The following CNBD1 variants were observed in gnomAD, a reference collection of about 807,000 sequenced individuals.
CNBD1 encodes cyclic nucleotide binding domain containing 1.
A neutral mutation model predicts 54.4 loss-of-function variants in CNBD1; 71 were observed. The ratio of observed to expected loss-of-function variants is 1.30; its 90% confidence interval spans 1.08 to 1.59. The LOEUF is 1.59. Among genes scored for constraint, CNBD1 ranks in the 40% most tolerant of loss-of-function variants. The pLI is 0.00. For missense variants in CNBD1, 659 were observed against 518.0 expected (o/e 1.27, Z -2.64); for synonymous variants, 182 against 170.7 (o/e 1.07, Z -0.51).
chr8:87,330,723 A>G (rs1399095609), intron 8 of CNBD1, among the ~76,000 whole-genome samples: 1 of 152,116 alleles, frequency 6.6e-6, no homozygotes, highest in Admixed American at 6.5e-5. Context: ...ATCTTTGTGA[A>G]TGTTCTATGT....
chr8:86,953,393 C>G (rs1386573793), intron 4 of CNBD1, among the ~76,000 whole-genome samples: 2 of 152,176 alleles, frequency 1.3e-5, no homozygotes, highest in African/African-American at 4.8e-5. Context: ...GTGAAAAACA[C>G]AATTAACAAA....
chr8:87,344,480 G>T (rs563756478), intron 8 of CNBD1, among the ~76,000 whole-genome samples: 9 of 152,020 alleles, frequency 5.9e-5, no homozygotes, highest in African/African-American at 2.2e-4. Flanking sequence ...TCACTATTGT[G>T]TACAGAAATG....
At chr8:86,912,771 G>A (rs928439837) in intron 3 of CNBD1, among the ~76,000 whole-genome samples, 27 of 152,074 alleles carry the variant, frequency 1.8e-4, no homozygotes, top group African/African-American at 5.6e-4. Flanking sequence ...TCCAGAAGAA[G>A]GCATTGTTAT....
intron 4 of CNBD1, among the ~76,000 whole-genome samples, chr8:87,128,434 G>T (rs188634157): frequency 6.6e-6 from 1 of 152,180 alleles, no homozygotes; most frequent in African/African-American, 2.4e-5. Context: ...AGGGCATGGT[G>T]GCTGAACAGA....
At chr8:86,890,567 C>G (rs7000657) in intron 2 of CNBD1, among the ~76,000 whole-genome samples, 76,495 of 151,902 alleles carry the variant, frequency 0.5, 19,450 homozygotes, top group South Asian at 0.58. Flanking sequence ...ATATCTCTTC[C>G]ACATATTGAT....
chr8:87,374,926 AC>A (rs1424504148), intron 10 of CNBD1, among the ~76,000 whole-genome samples: 1 of 151,952 alleles, frequency 6.6e-6, no homozygotes, highest in African/African-American at 2.4e-5. Flanking sequence ...CAAGTGCTAC[AC>A]TGAGTCATAC....
chr8:86,890,180 G>A, intron 2 of CNBD1, among the ~76,000 whole-genome samples: 1 of 151,848 alleles, frequency 6.6e-6, no homozygotes, highest in Non-Finnish European at 1.5e-5. Flanking sequence ...TTGTGCAATA[G>A]ATCTTAAAAT....
At chr8:87,385,475 G>A (rs565726492), downstream of CNBD1, among the ~76,000 whole-genome samples, 480 of 152,150 alleles carry the variant, frequency 3.2e-3, 2 homozygotes, top group African/African-American at 0.011. Flanking sequence ...ATTATATCCT[G>A]CACATGTCTC....
rs60777896 is a variant in CNBD1, at chr8:87,238,286, G to A, written c.771+1174G>A. On this transcript the variant is annotated intron_variant, in intron 6 of 10. Transcript: ENST00000518476. ...AATCTTTACTGTGATAGCTCTTACT[G>A]CACAGGCCAAGAAACCAATGTGGAA... is the stretch of plus-strand genomic sequence containing the variant. Among the ~76,000 whole-genome samples the A allele has an allele frequency of 3.1e-3, 475 of 152,110 alleles. 5 individuals carry two copies. The highest frequency in any genetic ancestry group is 0.011 in the African/African-American group (455 of 41,522).
intron 6 of CNBD1, among the ~76,000 whole-genome samples, chr8:87,263,167 A>C (rs546603647): frequency 2.0e-5 from 3 of 152,282 alleles, no homozygotes; most frequent in African/African-American, 7.2e-5. Flanking sequence ...TCATTCTTCC[A>C]ATTAAAAATA....
At chr8:86,880,994 T>C (rs1808598780) in intron 1 of CNBD1, among the ~76,000 whole-genome samples, 1 of 152,068 alleles carries the variant, frequency 6.6e-6, no homozygotes, top group African/African-American at 2.4e-5. Context: ...TGTTAAAAAC[T>C]CTCAATAAAC....
intron 4 of CNBD1, among the ~76,000 whole-genome samples, chr8:87,038,962 C>A (rs1347548843): frequency 6.6e-6 from 1 of 152,174 alleles, no homozygotes; most frequent in Non-Finnish European, 1.5e-5. Flanking sequence ...CTTTGAGTTG[C>A]AAATCTTTTA....
chr8:87,347,597 A>C (rs769275674), intron 8 of CNBD1, among the ~76,000 whole-genome samples: 1 of 152,340 alleles, frequency 6.6e-6, no homozygotes, highest in African/African-American at 2.4e-5. Flanking sequence ...AGCAGTATAG[A>C]GTAGTCACGG....
chr8:87,411,397 CAT>C (rs6150689), intron 2 of CNBD1, among the ~76,000 whole-genome samples: 1,263 of 92,376 alleles, frequency 0.014, 46 homozygotes, highest in African/African-American at 0.045. Flanking sequence ...CTAGCTATAT[CAT>C]ATATATATAT....
At chr8:87,331,672 C>A (rs1041274303) in intron 8 of CNBD1, among the ~76,000 whole-genome samples, 1 of 152,164 alleles carries the variant, frequency 6.6e-6, no homozygotes, top group African/African-American at 2.4e-5. Context: ...AATTTACATT[C>A]CCACCAGCAA....
At chr8:86,876,317 C>T (rs1808520189) in intron 1 of CNBD1, among the ~76,000 whole-genome samples, 1 of 151,712 alleles carries the variant, frequency 6.6e-6, no homozygotes, top group African/African-American at 2.4e-5. Context: ...AAGTAATATA[C>T]ATTTTCCTTA....
chr8:86,927,314 G>T (rs180893524), intron 3 of CNBD1, among the ~76,000 whole-genome samples: 84 of 152,268 alleles, frequency 5.5e-4, no homozygotes, highest in African/African-American at 1.9e-3. Flanking sequence ...ATTCATTAGT[G>T]GGGGAGGCGC....
chr8:86,962,627 T>C (rs1807960018), intron 4 of CNBD1, among the ~76,000 whole-genome samples: 1 of 151,732 alleles, frequency 6.6e-6, no homozygotes, highest in South Asian at 2.1e-4. Flanking sequence ...CTACTAAAAA[T>C]ACAAAAAACT....
intron 4 of CNBD1, among the ~76,000 whole-genome samples, chr8:87,195,277 G>A (rs1365220697): frequency 6.7e-6 from 1 of 148,204 alleles, no homozygotes; most frequent in Non-Finnish European, 1.5e-5. Context: ...CACACAGGCT[G>A]GAGGGCAGTG....
Sources: allele counts gnomAD v4.1 joint callset (sites outside exome capture counted in the v4.1 genomes callset), GRCh38; gene constraint gnomAD v4.1.1; transcripts MANE v1.5; gene names NCBI Gene and HGNC (gene_info 2026-07-23, HGNC 2026-07-21).